The following RNF126 variants were observed in gnomAD, a reference collection of about 807,000 sequenced individuals.
RNF126 encodes ring finger protein 126.
In RNF126, 20 loss-of-function variants were observed where a neutral mutation model predicts 41.9. The ratio of observed to expected loss-of-function variants is 0.48; its 90% CI spans 0.34 to 0.69. The LOEUF is 0.69. Ranked by LOEUF, RNF126 falls within the 30% of genes least tolerant of loss-of-function variation. The probability of loss-of-function intolerance (pLI) is 0.01; values close to 1 mark genes in which losing one functional copy is unlikely to be tolerated. For synonymous variants in RNF126, 239 were observed against 202.9 expected (o/e 1.18, Z -1.51); for missense variants, 433 against 460.6 (o/e 0.94, Z 0.55).
chr19:656,976 G>A (rs1381475454), intron 1 of RNF126, among the ~76,000 whole-genome samples: 2 of 152,162 alleles, frequency 1.3e-5, no homozygotes, highest in Admixed American at 1.3e-4. Context: ...TGGGAATGGA[G>A]GGGTAGCTCA....
Position 651,603 on chromosome 19 carries a change from C to T in RNF126, c.443+8G>A. ...GGGCCCTCGCGGCCACCCCCGGGGC[C>T]CCCTCACCCTTCCAGCGTGGGGACG... On this transcript the variant is annotated splice_region_variant and intron_variant, in intron 4 of 8. Transcript: ENST00000292363. The T allele has an allele frequency of 1.4e-6, 2 of 1,419,980 alleles. No homozygotes were observed. The highest frequency in any genetic ancestry group is 3.0e-5 in the South Asian group (2 of 65,768). 88.0% of individuals were successfully genotyped at this position (1,419,980 alleles called of 1,614,324 possible). A position where few individuals can be genotyped will look rare whatever the true frequency, so the allele number is the denominator to read the frequency against.
chr19:660,177 G>A (rs2030735766), intron 1 of RNF126, among the ~76,000 whole-genome samples: 1 of 152,228 alleles, frequency 6.6e-6, no homozygotes, highest in Admixed American at 6.5e-5. Context: ...CCAGGAGAGC[G>A]GCCAGGTGCC....
Position 648,357 on chromosome 19 carries a change from G to GC in RNF126, c.786+14_786+15insG. On this transcript the variant is annotated intron_variant, in intron 8 of 8. Transcript: ENST00000292363. ...CCGCGGTCGGGGTGGGGGGGCGGGT[G>GC]GGCGGGGCACTCACCTGCTCCAGCC... 1 of 615,972 alleles carries GC rather than the reference G, an allele frequency of 1.6e-6. No homozygotes were observed. The highest frequency in any genetic ancestry group is 2.7e-6 in the Non-Finnish European group (1 of 377,186). The allele number at this position is 615,972 out of a possible 1,614,324, so 38.2% of individuals were successfully genotyped here. A position where few individuals can be genotyped will look rare whatever the true frequency, so the allele number is the denominator to read the frequency against.
At chr19:648,701 G>A (rs1293324388) in intron 7 of RNF126, among the ~76,000 whole-genome samples, 181 bp downstream of exon 7, 2 of 152,076 alleles carry the variant, frequency 1.3e-5, no homozygotes, top group Non-Finnish European at 2.9e-5. Flanking sequence ...GGGTGCGGTG[G>A]CTCACGCCTG....
intron 5 of RNF126, 123 bp from the exon 6 acceptor site, chr19:649,871 A>T: frequency 1.9e-6 from 1 of 523,518 alleles, no homozygotes; most frequent in Non-Finnish European, 3.4e-6. Context: ...CTCACCAGGG[A>T]CCCTGGCTGG....
intron 2 of RNF126, 168 bp downstream of exon 2, chr19:652,658 A>T: frequency 1.5e-6 from 1 of 656,318 alleles, no homozygotes; most frequent in Non-Finnish European, 2.6e-6. Flanking sequence ...CCATCACAGA[A>T]GAGAACGGCA....
At chr19:648,846 G>GT in intron 7 of RNF126, 36 bp downstream of exon 7, 1 of 1,277,014 alleles carries the variant, frequency 7.8e-7, no homozygotes, top group Non-Finnish European at 1.1e-6. Context: ...GCGGGTGCCT[G>GT]TAATTCCCAC....
In RNF126 at chr19:647,669, C is replaced by T. The variant is rs565935604; in HGVS notation, c.*459G>A. ...GCCCCCCTACTCCGGGTCGTGGAGG[C>T]GGCCGAGGGGGAGGCTGGGGGCCCA... On this transcript the variant is annotated 3_prime_UTR_variant, in exon 9 of 9. Coordinates refer to ENST00000292363, the MANE Select transcript of RNF126 (RefSeq NM_194460.3). 21 of 200,822 alleles carry T rather than the reference C, an allele frequency of 1.0e-4. No individual in the cohort carries two copies. The highest frequency in any genetic ancestry group is 1.7e-4 in the Non-Finnish European group (16 of 95,656). The allele number at this position is 200,822 out of a possible 1,614,324, so 12.4% of individuals were successfully genotyped here. A position where few individuals can be genotyped will look rare whatever the true frequency, so the allele number is the denominator to read the frequency against.
At chr19:653,511 G>A (rs1471059227) in intron 1 of RNF126, among the ~76,000 whole-genome samples, 1 of 152,226 alleles carries the variant, frequency 6.6e-6, no homozygotes, top group Non-Finnish European at 1.5e-5. Flanking sequence ...GCTGTGCCGA[G>A]CAGGACGGAT....
intron 1 of RNF126, among the ~76,000 whole-genome samples, chr19:657,683 G>A (rs1024527913): frequency 5.9e-5 from 9 of 152,210 alleles, no homozygotes; most frequent in East Asian, 1.9e-4. Flanking sequence ...CATCGAGGAC[G>A]CCAAGGGCTG....
intron 2 of RNF126, chr19:652,501 A>ACCCCAAGAG: frequency 3.3e-6 from 2 of 604,770 alleles, no homozygotes; most frequent in Non-Finnish European, 5.8e-6. Context: ...ACCGGTGCAG[A>ACCCCAAGAG]CCCCAACAGC....
At chr19:649,072 G>T in intron 6 of RNF126, 97 bp from the exon 7 acceptor site, 1 of 576,232 alleles carries the variant, frequency 1.7e-6, no homozygotes. Context: ...CACCGAGGCC[G>T]CGTTTGTCCT....
chr19:649,245 T>G (rs2144755410), intron 6 of RNF126: 5 of 292,264 alleles, frequency 1.7e-5, no homozygotes, highest in South Asian at 1.3e-4. Flanking sequence ...CGCTCCTGAG[T>G]GCCCTGACGG....
At chr19:648,623 G>A (rs1395354288) in intron 7 of RNF126, 136 bp from the exon 8 acceptor site, 10 of 739,020 alleles carry the variant, frequency 1.4e-5, no homozygotes, top group East Asian at 5.4e-5. Context: ...TGTGTCCCCC[G>A]GGCTGCCAGA....
chr19:657,052 G>A (rs2030590521), intron 1 of RNF126, among the ~76,000 whole-genome samples: 1 of 152,202 alleles, frequency 6.6e-6, no homozygotes, highest in Non-Finnish European at 1.5e-5. Flanking sequence ...TGGAACAGCT[G>A]CACTGGCCCC....
At chr19:651,126 G>A (rs1172934701) in intron 4 of RNF126, among the ~76,000 whole-genome samples, 2 of 147,248 alleles carry the variant, frequency 1.4e-5, no homozygotes, top group Non-Finnish European at 3.0e-5. Flanking sequence ...GGCTCCCCCA[G>A]GCTCTGTTCC....
Position 659,733 on chromosome 19 carries a change from G to A in RNF126, c.75+3314C>T, listed in dbSNP as rs2030713776. On this transcript the variant is annotated intron_variant, in intron 1 of 8. Transcript: ENST00000292363. This position sits in a 1 kb window ranked among gnomAD's most constrained non-coding sequence, Gnocchi z 4.9. ...CCCCACTCTGGCTGACGCTCCCTTT[G>A]CTGCTCAGACACCCAGACACCCTCG... 1.3e-5 allele frequency among the ~76,000 whole-genome samples: 2 copies of A among 151,266 alleles called. No homozygotes were observed. The highest frequency in any genetic ancestry group is 4.9e-5 in the African/African-American group (2 of 41,142).
intron 1 of RNF126, among the ~76,000 whole-genome samples, chr19:660,126 C>A (rs1056206281): frequency 2.6e-5 from 4 of 152,240 alleles, no homozygotes; most frequent in South Asian, 2.1e-4. Flanking sequence ...GAGCCCCCGA[C>A]CGCAAGTGTG....
chr19:647,670 G>A lies in RNF126; in HGVS notation c.*458C>T, dbSNP rs539655724. 1.8e-4 allele frequency: 36 copies of A among 199,884 alleles called. No individual in the cohort carries two copies. Among genetic ancestry groups the A allele is most frequent in the South Asian group, 9.0e-4 (14 of 15,504 alleles). 12.4% of individuals were successfully genotyped at this position (199,884 alleles called of 1,614,324 possible). Reference sequence around the variant, plus strand: ...CCCCCCTACTCCGGGTCGTGGAGGCGGCCGAGGGGGAGGCTGGGGGCCCAC... The same window carrying A: ...CCCCCCTACTCCGGGTCGTGGAGGCAGCCGAGGGGGAGGCTGGGGGCCCAC... On this transcript the variant is annotated 3_prime_UTR_variant, in exon 9 of 9. Coordinates refer to ENST00000292363, the MANE Select transcript of RNF126 (RefSeq NM_194460.3).
Sources: allele counts gnomAD v4.1 joint callset (sites outside exome capture counted in the v4.1 genomes callset), GRCh38; gene constraint gnomAD v4.1.1; non-coding constraint Gnocchi (gnomAD v3.1); transcripts MANE v1.5; gene names NCBI Gene and HGNC (gene_info 2026-07-23, HGNC 2026-07-21).